GSTP1: variants seen among roughly 807,000 people sequenced by gnomAD.
The protein encoded by GSTP1 is glutathione S-transferase pi 1, also known as glutathione S-transferase P.
GSTP1 carries 28 observed loss-of-function variants against 29.4 expected under a neutral mutation model. That is an observed-to-expected ratio of 0.95 (90% CI 0.71 to 1.30). The LOEUF (loss-of-function observed/expected upper bound fraction) is 1.30, where lower values mean the gene tolerates loss of function less well. GSTP1 is among the 50% of genes most tolerant of loss of function. GSTP1 has a pLI of 0.00. For missense variants in GSTP1, 267 were observed against 266.1 expected (o/e 1.00, Z -0.02); for synonymous variants, 122 against 117.0 (o/e 1.04, Z -0.28).
chr11:67,586,595 A>G lies in GSTP1; in HGVS notation c.*18A>G. 6.3e-7 allele frequency: 1 copy of G among 1,591,236 alleles called. No homozygotes were observed. Among genetic ancestry groups the G allele is most frequent in the Non-Finnish European group, 8.6e-7 (1 of 1,165,002 alleles). ...AACAGTGAGGGTTGGGGGGACTCTGAGCGGGAGGCAGAGTTTGCCTTCCTT... is the reference window on the plus strand; with the variant it reads ...AACAGTGAGGGTTGGGGGGACTCTGGGCGGGAGGCAGAGTTTGCCTTCCTT... On this transcript the variant is annotated 3_prime_UTR_variant, in exon 7 of 7. Transcript: ENST00000398606.
Position 67,584,750 on chromosome 11 carries a change from G to A in GSTP1, c.210G>A (p.Leu70=). The part of the protein sequence containing the change: ...DLTLYQSNTI[L]RHLGRTLGLY... Reference sequence around the variant, plus strand: ...CCCTGTACCAGTCCAATACCATCCTGCGTCACCTGGGCCGCACCCTTGGTG... The same window carrying A: ...CCCTGTACCAGTCCAATACCATCCTACGTCACCTGGGCCGCACCCTTGGTG... Residue 70 remains leucine, a synonymous_variant, in exon 4 of 7, where the codon CTG becomes CTA. Transcript: ENST00000398606. The A allele has an allele frequency of 6.2e-7, 1 of 1,613,148 alleles. No homozygotes were observed. Among genetic ancestry groups the A allele is most frequent in the Non-Finnish European group, 8.5e-7 (1 of 1,179,500 alleles).
In GSTP1 at chr11:67,586,532, C is replaced by T; in HGVS notation, c.588C>T (p.Ser196=). 3 of 1,614,162 alleles carry T rather than the reference C, an allele frequency of 1.9e-6. No individual in the cohort carries two copies. The highest frequency in any genetic ancestry group is 2.5e-6 in the Non-Finnish European group (3 of 1,179,994). The part of the protein sequence containing the change: ...ARPKLKAFLA[S]PEYVNLPING... ...CCAAGCTCAAGGCCTTCCTGGCCTC[C>T]CCTGAGTACGTGAACCTCCCCATCA... is the stretch of plus-strand genomic sequence containing the variant. The change falls in exon 7 of 7, where the codon TCC becomes TCT. Residue 196 remains serine (S), a synonymous_variant. Coordinates refer to ENST00000398606, the MANE Select transcript of GSTP1 (RefSeq NM_000852.4).
chr11:67,584,419 G>T lies in GSTP1; in HGVS notation c.38-45G>T, dbSNP rs1488474541. 6 of 1,100,374 alleles carry T rather than the reference G, an allele frequency of 5.5e-6. No individual in the cohort carries two copies. In the East Asian group the frequency reaches 1.3e-4, roughly 24 times the overall value. The allele number at this position is 1,100,374 out of a possible 1,614,324, so 68.2% of individuals were successfully genotyped here. ...ACCCCTCCCCGGGTTGCTGCGAGGCGGAGTCGGCCCGGTCCCCACATCTCG... is the reference window on the plus strand; with the variant it reads ...ACCCCTCCCCGGGTTGCTGCGAGGCTGAGTCGGCCCGGTCCCCACATCTCG... On this transcript the variant is annotated intron_variant, in intron 2 of 6. Coordinates refer to ENST00000398606, the MANE Select transcript of GSTP1 (RefSeq NM_000852.4).
intron 5 of GSTP1, among the ~76,000 whole-genome samples, chr11:67,585,484 C>T (rs1867452733): frequency 6.6e-6 from 1 of 152,156 alleles, no homozygotes; most frequent in Admixed American, 6.5e-5. Context: ...GGACAGAGAC[C>T]TCCAGCAACT....
rs955356978 is a variant in GSTP1, at chr11:67,586,011, A to G, written c.337-93A>G. On this transcript the variant is annotated intron_variant, in intron 5 of 6. Coordinates refer to ENST00000398606, the MANE Select transcript of GSTP1 (RefSeq NM_000852.4). Reference sequence around the variant, plus strand: ...GGTTGTGGGGAGCAAGCAGAGGAGAATCTGGGACTCTGGTGTCTGGCCTGG... The same window carrying G: ...GGTTGTGGGGAGCAAGCAGAGGAGAGTCTGGGACTCTGGTGTCTGGCCTGG... 3 of 873,432 alleles carry G rather than the reference A, an allele frequency of 3.4e-6. No individual in the cohort carries two copies. The African/African-American group carries it at 4.9e-5, about 14-fold the overall frequency. 54.1% of individuals were successfully genotyped at this position (873,432 alleles called of 1,614,324 possible). A position where few individuals can be genotyped will look rare whatever the true frequency, so the allele number is the denominator to read the frequency against.
chr11:67,585,718 G>A (rs961700760), intron 5 of GSTP1, among the ~76,000 whole-genome samples: 1 of 152,054 alleles, frequency 6.6e-6, no homozygotes, highest in Non-Finnish European at 1.5e-5. Context: ...CATTTGTGTC[G>A]GGTGGGTAAG....
At chr11:67,583,942 C>G (rs1591098945) in intron 1 of GSTP1, 98 bp downstream of exon 1, 1 of 674,180 alleles carries the variant, frequency 1.5e-6, no homozygotes, top group South Asian at 1.6e-5. Flanking sequence ...CAGGGCTCCT[C>G]GCCCACCTCG....
chr11:67,585,353 G>C lies in GSTP1; in HGVS notation c.336+112G>C, dbSNP rs45510593. On this transcript the variant is annotated intron_variant, in intron 5 of 6. Transcript: ENST00000398606. ...CTTGGGCTGACCCCTTCTTGGGTCA[G>C]GGTGCAGGGGCTGGGTCAGCTCTGG... 133 of 702,304 alleles carry C rather than the reference G, an allele frequency of 1.9e-4. No individual in the cohort carries two copies. The African/African-American group carries it at 2.2e-3, about 12-fold the overall frequency. 43.5% of individuals were successfully genotyped at this position (702,304 alleles called of 1,614,324 possible).
At chr11:67,584,647 G>T (rs756060551) in intron 3 of GSTP1, 38 bp from the exon 4 acceptor site, 4 of 1,586,010 alleles carry the variant, frequency 2.5e-6, no homozygotes, top group Non-Finnish European at 3.5e-6. Flanking sequence ...GGACGCCCAA[G>T]CTCAGTGCCC....
chr11:67,584,474 G>C lies in GSTP1; in HGVS notation c.48G>C (p.Ala16=). 6.5e-7 allele frequency: 1 copy of C among 1,527,920 alleles called. No homozygotes were observed. The highest frequency in any genetic ancestry group is 1.2e-5 in the South Asian group (1 of 82,824). The allele number at this position is 1,527,920 out of a possible 1,614,324, so 94.6% of individuals were successfully genotyped here. A position where few individuals can be genotyped will look rare whatever the true frequency, so the allele number is the denominator to read the frequency against. Residue 16 remains alanine, a synonymous_variant, in exon 3 of 7, where the codon GCG becomes GCC. Transcript: ENST00000398606. ...VVYFPVRGRC[A]ALRMLLADQG... ...TCTCCCTCCCCGCAGGCCGCTGCGC[G>C]GCCCTGCGCATGCTGCTGGCAGATC... is the stretch of plus-strand genomic sequence containing the variant.
chr11:67,585,684 T>C (rs1366196631), intron 5 of GSTP1, among the ~76,000 whole-genome samples: 5 of 151,448 alleles, frequency 3.3e-5, no homozygotes, highest in East Asian at 3.9e-4. Context: ...TGTGCATGTG[T>C]GTGCGTGTGT....
intron 2 of GSTP1, 122 bp downstream of exon 2, chr11:67,584,291 C>G: frequency 1.2e-6 from 1 of 807,188 alleles, no homozygotes; most frequent in Non-Finnish European, 2.0e-6. Context: ...TACCCCGGGC[C>G]TCCTTCCTGT....
intron 6 of GSTP1, 61 bp from the exon 7 acceptor site, chr11:67,586,328 C>G: frequency 6.4e-7 from 1 of 1,557,940 alleles, no homozygotes; most frequent in Non-Finnish European, 8.8e-7. Flanking sequence ...CTTAGGCCCT[C>G]TGCCCCCAAT....
In GSTP1 at chr11:67,584,060, G is replaced by A. The variant is rs1079719; in HGVS notation, c.2-74G>A. The A allele has an allele frequency of 0.42, 533,466 of 1,260,962 alleles. 118,140 individuals are homozygous for A. Among genetic ancestry groups the A allele is most frequent in the Non-Finnish European group, 0.47 (410,294 of 874,466 alleles). 78.1% of individuals were successfully genotyped at this position (1,260,962 alleles called of 1,614,324 possible). ...GGGATGGGACCCCGGGGGCGGGGAG[G>A]GGGGGCAGACTGCGCTCACCGCGCC... On this transcript the variant is annotated intron_variant, in intron 1 of 6. Coordinates refer to ENST00000398606, the MANE Select transcript of GSTP1 (RefSeq NM_000852.4).
In GSTP1 at chr11:67,584,505, C is replaced by T; in HGVS notation, c.79C>T (p.Gln27Ter). The T allele has an allele frequency of 6.4e-7, 1 of 1,569,734 alleles. No homozygotes were observed. Among genetic ancestry groups the T allele is most frequent in the South Asian group, 1.1e-5 (1 of 87,006 alleles). The change falls in exon 3 of 7, where the codon CAG (glutamine) becomes TAG (stop). Residue 27 changes from glutamine (Q) to a stop codon, truncating the protein, a stop_gained. Transcript: ENST00000398606. LOFTEE classifies it high-confidence loss of function. ...ALRMLLADQG[Q>*]SWKEEVVTVE... is the part of the protein sequence containing the mutation. ...GCGCATGCTGCTGGCAGATCAGGGC[C>T]AGAGCTGGAAGGAGGAGGTGGTGAC...
chr11:67,584,142 T>C lies in GSTP1; in HGVS notation c.10T>C (p.Tyr4His). ...TTCTTTGTTCGCTGCAGTGCCGCCC[T>C]ACACCGTGGTCTATTTCCCAGTTCG... Reference protein sequence around the residue: MPPYTVVYFPVRGR... With the variant: MPPHTVVYFPVRGR... Residue 4 changes from tyrosine (Y) to histidine (H), a missense_variant, in exon 2 of 7, where the codon TAC becomes CAC. Coordinates refer to ENST00000398606, the MANE Select transcript of GSTP1 (RefSeq NM_000852.4). 6.2e-7 allele frequency: 1 copy of C among 1,612,968 alleles called. No individual in the cohort carries two copies. The highest frequency in any genetic ancestry group is 8.5e-7 in the Non-Finnish European group (1 of 1,179,082).
At chr11:67,585,057 C>G in intron 4 of GSTP1, 81 bp from the exon 5 acceptor site, 1 of 857,078 alleles carries the variant, frequency 1.2e-6, no homozygotes, top group Non-Finnish European at 1.9e-6. Flanking sequence ...CACAGACAGC[C>G]CCCTGGTTGG....
intron 2 of GSTP1, 94 bp downstream of exon 2, chr11:67,584,263 C>A: frequency 2.0e-6 from 2 of 1,019,128 alleles, no homozygotes; most frequent in Non-Finnish European, 3.0e-6. Flanking sequence ...CCCCCTTATC[C>A]CTCCGTCGTG....
At chr11:67,585,676 T>C (rs1237235476) in intron 5 of GSTP1, among the ~76,000 whole-genome samples, 7 of 148,280 alleles carry the variant, frequency 4.7e-5, no homozygotes, top group Non-Finnish European at 7.4e-5. Context: ...CGCGTGCGTG[T>C]GCATGTGTGT....
Sources: gnomAD v4.1 joint callset for allele counts (sites outside exome capture counted in the v4.1 genomes callset) on GRCh38, gnomAD v4.1.1 for gene constraint, MANE v1.5 for transcripts, NCBI Gene and HGNC (gene_info 2026-07-23, HGNC 2026-07-21) for gene names.